Variants in XPNPEP3 observed in about 807,000 individuals in gnomAD.
XPNPEP3 encodes xaa-Pro aminopeptidase 3.
A neutral mutation model predicts 60.0 loss-of-function variants in XPNPEP3; 41 were observed. That is an observed-to-expected ratio of 0.68 (90% CI 0.53 to 0.89). The LOEUF (loss-of-function observed/expected upper bound fraction) is 0.89, where lower values mean the gene tolerates loss of function less well. Among genes scored for constraint, XPNPEP3 ranks in the 40% least tolerant of loss-of-function variants. The pLI is 0.00. For missense variants in XPNPEP3, 598 were observed against 638.9 expected, an observed-to-expected ratio of 0.94 and a Z score of 0.69; for synonymous variants, 212 against 223.2, an observed-to-expected ratio of 0.95 and a Z score of 0.45.
chr22:40,870,038 T>G (rs1364046696), intron 2 of XPNPEP3: 1 of 470,912 alleles, frequency 2.1e-6, no homozygotes, highest in Non-Finnish European at 4.4e-6. Context: ...TTTTGCTGAT[T>G]TTTCATCAGA....
Position 40,923,711 on chromosome 22 carries a change from GC to G in XPNPEP3, c.1237-650del, listed in dbSNP as rs541927249. Reference sequence around the variant, plus strand: ...TACTAAAAATACAAAAATTAGCCAGGCATGGTGGTACATGACTATAATCCCG... The same window carrying G: ...TACTAAAAATACAAAAATTAGCCAGGATGGTGGTACATGACTATAATCCCG... On this transcript the variant is annotated intron_variant, in intron 8 of 9. Transcript: ENST00000357137. Among the ~76,000 whole-genome samples, 3 of 152,218 alleles carry G rather than the reference GC, an allele frequency of 2.0e-5. No individual in the cohort carries two copies. In the South Asian group the frequency reaches 6.2e-4, roughly 32 times the overall value.
Position 40,926,522 on chromosome 22 carries a change from G to T in XPNPEP3, c.*87G>T, listed in dbSNP as rs1001984329. On this transcript the variant is annotated 3_prime_UTR_variant, in exon 10 of 10. Coordinates refer to ENST00000357137, the MANE Select transcript of XPNPEP3 (RefSeq NM_022098.4). ...GTGTGCTTTCTGAGTGTCTCTGTGT[G>T]TGCATTAATATATGCATTCCATTTG... is the stretch of plus-strand genomic sequence containing the variant. 5 of 1,467,494 alleles carry T rather than the reference G, an allele frequency of 3.4e-6. No homozygotes were observed. Among genetic ancestry groups the T allele is most frequent in the Non-Finnish European group, 4.8e-6 (5 of 1,049,472 alleles). The allele number at this position is 1,467,494 out of a possible 1,614,324, so 90.9% of individuals were successfully genotyped here.
At chr22:40,861,986 A>G (rs2057952536) in intron 1 of XPNPEP3, 2 of 1,591,844 alleles carry the variant, frequency 1.3e-6, no homozygotes, top group Non-Finnish European at 1.7e-6. Context: ...CTTCATAGTA[A>G]TCCACCATGT....
At chr22:40,924,610 G>A (rs1217635351) in intron 9 of XPNPEP3, 128 bp downstream of exon 9, 6 of 1,359,312 alleles carry the variant, frequency 4.4e-6, no homozygotes, top group South Asian at 1.3e-5. Flanking sequence ...TGCAACCTCC[G>A]CCCCCCAGGT....
In XPNPEP3 at chr22:40,922,503, A is replaced by C. The variant is rs748568804; in HGVS notation, c.1226A>C (p.Asn409Thr). ...LGIMKNIKENNAFKAARKYCP... is the reference protein window; with the variant it reads ...LGIMKNIKENTAFKAARKYCP... Reference sequence around the variant, plus strand: ...ATCATGAAGAACATTAAGGAAAATAATGCCTTCAAGGTACTTCACTTCTCT... The same window carrying C: ...ATCATGAAGAACATTAAGGAAAATACTGCCTTCAAGGTACTTCACTTCTCT... The change falls in exon 8 of 10, where the codon AAT (asparagine) becomes ACT (threonine). Residue 409 changes from asparagine (N) to threonine (T), a missense_variant. Transcript: ENST00000357137. The C allele has an allele frequency of 4.3e-6, 7 of 1,613,886 alleles. No homozygotes were observed. Among genetic ancestry groups the C allele is most frequent in the Admixed American group, 1.7e-5 (1 of 59,976 alleles).
At chr22:40,895,328 A>C (rs922745207) in intron 4 of XPNPEP3, among the ~76,000 whole-genome samples, 1 of 151,552 alleles carries the variant, frequency 6.6e-6, no homozygotes, top group Non-Finnish European at 1.5e-5. Flanking sequence ...AATAGAGATT[A>C]GTGCTTTTCT....
intron 7 of XPNPEP3, chr22:40,917,395 A>C (rs2058200020): frequency 2.0e-5 from 3 of 152,136 alleles, no homozygotes; most frequent in Admixed American, 6.6e-5. Context: ...AAAAGGAAAC[A>C]ATTTAATTAA....
intron 1 of XPNPEP3, chr22:40,862,067 G>A: frequency 1.3e-6 from 2 of 1,524,526 alleles, no homozygotes. Flanking sequence ...GGCTCTGCTG[G>A]TGGTGGTGAT....
At chr22:40,894,827 A>T (rs2058101626) in intron 4 of XPNPEP3, among the ~76,000 whole-genome samples, 1 of 152,228 alleles carries the variant, frequency 6.6e-6, no homozygotes. Flanking sequence ...TTTCATAGAG[A>T]TTTCCAAAGA....
chr22:40,888,298 C>T, intron 4 of XPNPEP3: 1 of 257,142 alleles, frequency 3.9e-6, no homozygotes, highest in Non-Finnish European at 8.2e-6. Flanking sequence ...GACTAGAGTG[C>T]AGTAGCATGA....
intron 6 of XPNPEP3, among the ~76,000 whole-genome samples, chr22:40,911,043 A>G (rs1036507410): frequency 6.6e-6 from 1 of 152,130 alleles, no homozygotes; most frequent in Admixed American, 6.6e-5. Context: ...ATATGATAAT[A>G]TAAACCTTTC....
At chr22:40,888,581 G>T in intron 4 of XPNPEP3, 1 of 173,532 alleles carries the variant, frequency 5.8e-6, no homozygotes, top group South Asian at 9.4e-5. Context: ...TCCATTGTAT[G>T]CGTATGCCAT....
chr22:40,867,205 ATCAGAC>A (rs1298057033), intron 1 of XPNPEP3, among the ~76,000 whole-genome samples: 4 of 152,312 alleles, frequency 2.6e-5, no homozygotes, highest in African/African-American at 9.6e-5. Context: ...CAAACACAGA[ATCAGAC>A]TCAGAGAAGT....
chr22:40,889,008 GTTTTT>G (rs147328963), intron 4 of XPNPEP3, among the ~76,000 whole-genome samples: 4 of 148,332 alleles, frequency 2.7e-5, no homozygotes, highest in East Asian at 1.9e-4. Context: ...CTTCCTAATG[GTTTTT>G]TTTTTGTTTT....
intron 4 of XPNPEP3, among the ~76,000 whole-genome samples, chr22:40,906,420 CAAAA>C (rs11440795): frequency 9.5e-6 from 1 of 105,014 alleles, no homozygotes. Context: ...GACTCTGTCT[CAAAA>C]AAAAAAAAAA....
chr22:40,877,698 A>G (rs1266787108), intron 2 of XPNPEP3, among the ~76,000 whole-genome samples: 1 of 152,088 alleles, frequency 6.6e-6, no homozygotes, highest in Admixed American at 6.5e-5. Context: ...TAAAATGCTG[A>G]CTTTGTTTTT....
intron 4 of XPNPEP3, among the ~76,000 whole-genome samples, chr22:40,893,151 A>G (rs1334761465): frequency 6.8e-6 from 1 of 146,012 alleles, no homozygotes; most frequent in Non-Finnish European, 1.5e-5. Flanking sequence ...ATATTTATAT[A>G]TTATAATATT....
chr22:40,895,595 A>G (rs922877607), intron 4 of XPNPEP3, among the ~76,000 whole-genome samples: 19 of 152,040 alleles, frequency 1.2e-4, no homozygotes, highest in African/African-American at 4.3e-4. Flanking sequence ...TCAGCCTCCC[A>G]AAGTACTGGG....
rs1191681729 is a variant in XPNPEP3 at position 40,927,827 on chromosome 22, A to G, written c.*1392A>G. The G allele has an allele frequency of 3.4e-5, 5 of 147,214 alleles. No homozygotes were observed. Among genetic ancestry groups the G allele is most frequent in the Admixed American group, 2.7e-4 (4 of 14,550 alleles). 9.1% of individuals were successfully genotyped at this position (147,214 alleles called of 1,614,324 possible). A position where few individuals can be genotyped will look rare whatever the true frequency, so the allele number is the denominator to read the frequency against. ...AAGGCAGAGCTTGCAGTGAGCCAAG[A>G]TCGCGCCACTGCACTCCAGCCTGGG... is the stretch of plus-strand genomic sequence containing the variant. On this transcript the variant is annotated 3_prime_UTR_variant, in exon 10 of 10. Transcript: ENST00000357137.
Sources: allele counts gnomAD v4.1 joint callset (sites outside exome capture counted in the v4.1 genomes callset), GRCh38; gene constraint gnomAD v4.1.1; transcripts MANE v1.5; gene names NCBI Gene and HGNC (gene_info 2026-07-23, HGNC 2026-07-21).